Variants in KIF16B observed in about 807,000 individuals in gnomAD.
KIF16B encodes the protein kinesin-like protein KIF16B.
Under a neutral mutation model 156.3 loss-of-function variants are expected in KIF16B, and 98 were observed. That is an observed-to-expected ratio of 0.63 (90% CI 0.53 to 0.74). The LOEUF is 0.74. Among genes scored for constraint, KIF16B ranks in the 30% least tolerant of loss-of-function variants. KIF16B has a pLI of 0.00. For missense variants in KIF16B, 1,421 were observed against 1,606.5 expected (o/e 0.88, Z 1.97); for synonymous variants, 564 against 583.7 (o/e 0.97, Z 0.49).
rs151058372 is a variant in KIF16B at position 16,361,875 on chromosome 20, T to C, written c.3499-5423A>G. Among the ~76,000 whole-genome samples the C allele has an allele frequency of 2.2e-3, 337 of 152,328 alleles. 6 individuals carry two copies. The South Asian group carries it at 0.041, about 19-fold the overall frequency. ...AACATTGTTTCAAGGTTTGGAAATA[T>C]TGAATATTGGATGAATGTTTCAACT... On this transcript the variant is annotated intron_variant, in intron 22 of 25. Coordinates refer to ENST00000354981, the MANE Select transcript of KIF16B (RefSeq NM_024704.5).
intron 23 of KIF16B, 85 bp from the exon 24 acceptor site, chr20:16,336,100 A>C: frequency 1.3e-6 from 1 of 779,888 alleles, no homozygotes; most frequent in Non-Finnish European, 2.1e-6. Flanking sequence ...AATTAAATTT[A>C]AAAAAAGTGA....
At chr20:16,386,304 G>C (rs2065228463) in intron 17 of KIF16B, among the ~76,000 whole-genome samples, 1 of 152,130 alleles carries the variant, frequency 6.6e-6, no homozygotes, top group African/African-American at 2.4e-5. Flanking sequence ...AAAGGGCAGA[G>C]GGAAGAGGGT....
intron 11 of KIF16B, 55 bp from the exon 12 acceptor site, chr20:16,494,405 C>G: frequency 5.8e-6 from 7 of 1,204,370 alleles, no homozygotes; most frequent in Non-Finnish European, 8.3e-6. Context: ...TTATAATTTT[C>G]TTCTAGTTTC....
intron 24 of KIF16B, 42 bp downstream of exon 24, chr20:16,335,884 A>C (rs2064027138): frequency 8.0e-7 from 1 of 1,249,250 alleles, no homozygotes; most frequent in Non-Finnish European, 1.2e-6. Flanking sequence ...TTACTTTATA[A>C]AATGAATGCT....
intron 2 of KIF16B, among the ~76,000 whole-genome samples, chr20:16,527,943 T>A (rs917375148): frequency 2.0e-5 from 3 of 151,920 alleles, no homozygotes; most frequent in African/African-American, 7.3e-5. Context: ...CCTCCCTGAG[T>A]TTTGAATAAT....
chr20:16,550,411 T>G (rs2070595541), intron 1 of KIF16B, among the ~76,000 whole-genome samples: 1 of 152,066 alleles, frequency 6.6e-6, no homozygotes, highest in Non-Finnish European at 1.5e-5. Flanking sequence ...GACTGTAAAC[T>G]AGTTCAACCA....
intron 19 of KIF16B, among the ~76,000 whole-genome samples, chr20:16,375,885 G>GCCTT (rs1269690766): frequency 2.0e-5 from 3 of 152,148 alleles, no homozygotes; most frequent in Non-Finnish European, 4.4e-5. Flanking sequence ...GGACAAGCTG[G>GCCTT]CCTTCCCGTG....
intron 15 of KIF16B, among the ~76,000 whole-genome samples, chr20:16,410,554 T>A (rs2065928368): frequency 6.6e-6 from 1 of 151,818 alleles, no homozygotes; most frequent in South Asian, 2.1e-4. Context: ...TTATAGAGAG[T>A]CCTGAAAGTA....
chr20:16,449,948 C>T (rs1231201294), intron 12 of KIF16B, among the ~76,000 whole-genome samples: 1 of 151,958 alleles, frequency 6.6e-6, no homozygotes, highest in Non-Finnish European at 1.5e-5. Context: ...AGCAGAAATA[C>T]TAGAAGAAAA....
chr20:16,370,981 T>G (rs2064804346), intron 21 of KIF16B, among the ~76,000 whole-genome samples: 1 of 152,250 alleles, frequency 6.6e-6, no homozygotes, highest in African/African-American at 2.4e-5. Context: ...GTCAAAATTC[T>G]ATTTATATTT....
intron 25 of KIF16B, among the ~76,000 whole-genome samples, chr20:16,300,291 T>G (rs940804215): frequency 6.6e-6 from 1 of 152,150 alleles, no homozygotes; most frequent in Non-Finnish European, 1.5e-5. Context: ...AATTTTAGAG[T>G]AATGAGTGAG....
intron 12 of KIF16B, among the ~76,000 whole-genome samples, chr20:16,473,257 T>A (rs6043986): frequency 2.0e-5 from 3 of 152,068 alleles, no homozygotes; most frequent in South Asian, 4.1e-4. Context: ...CAAGAGCATC[T>A]TAAAGGCTCT....
chr20:16,309,969 T>C (rs1377094088), intron 25 of KIF16B, among the ~76,000 whole-genome samples: 1 of 152,186 alleles, frequency 6.6e-6, no homozygotes, highest in Admixed American at 6.5e-5. Context: ...TTTGTTGAGT[T>C]AAATGGGAAG....
intron 15 of KIF16B, 39 bp downstream of exon 15, chr20:16,427,065 C>T (rs1178916667): frequency 1.3e-6 from 2 of 1,516,916 alleles, no homozygotes; most frequent in Non-Finnish European, 1.8e-6. Flanking sequence ...TTTTCTCAAA[C>T]AATATATACA....
intron 23 of KIF16B, among the ~76,000 whole-genome samples, chr20:16,340,972 T>G (rs1356740680): frequency 1.3e-5 from 2 of 152,086 alleles, no homozygotes; most frequent in Non-Finnish European, 2.9e-5. Flanking sequence ...TCTAAGAATG[T>G]TCCCCCAAAA....
chr20:16,551,629 C>A (rs900428223), intron 1 of KIF16B, among the ~76,000 whole-genome samples: 1 of 152,136 alleles, frequency 6.6e-6, no homozygotes, highest in Non-Finnish European at 1.5e-5. Context: ...AGAATTCATC[C>A]CAGAATCCTT....
chr20:16,489,205 A>G (rs992183866), intron 12 of KIF16B, among the ~76,000 whole-genome samples: 4 of 152,142 alleles, frequency 2.6e-5, no homozygotes, highest in African/African-American at 9.7e-5. Flanking sequence ...TCCTTGCTGC[A>G]GGAGCTGGGG....
At chr20:16,471,598 G>C (rs1338349359) in intron 12 of KIF16B, among the ~76,000 whole-genome samples, 2 of 152,202 alleles carry the variant, frequency 1.3e-5, no homozygotes, top group Non-Finnish European at 2.9e-5. Context: ...TTCTCTTACA[G>C]AGAGGGCTCA....
intron 23 of KIF16B, among the ~76,000 whole-genome samples, chr20:16,343,705 T>C (rs973665583): frequency 6.6e-6 from 1 of 152,168 alleles, no homozygotes; most frequent in Non-Finnish European, 1.5e-5. Context: ...TAACAAGCAT[T>C]AATGGATAAG....
Sources: gnomAD v4.1 joint callset for allele counts (sites outside exome capture counted in the v4.1 genomes callset) on GRCh38, gnomAD v4.1.1 for gene constraint, MANE v1.5 for transcripts, NCBI Gene and HGNC (gene_info 2026-07-23, HGNC 2026-07-21) for gene names.